The following CLDN10 variants were observed in gnomAD, a reference collection of about 807,000 sequenced individuals.
The protein encoded by CLDN10 is claudin-10.
In CLDN10, 15 loss-of-function variants were observed where a neutral mutation model predicts 22.9. The observed-to-expected ratio is 0.65, with a 90% CI of 0.44 to 1.01. CLDN10 has a LOEUF of 1.01. Among genes scored for constraint, CLDN10 ranks in the 50% least tolerant of loss-of-function variants. The probability of loss-of-function intolerance (pLI) is 0.00; values close to 1 mark genes in which losing one functional copy is unlikely to be tolerated. For synonymous variants in CLDN10, 114 were observed against 111.4 expected, an observed-to-expected ratio of 1.02 and a Z score of -0.15; for missense variants, 247 against 287.8, an observed-to-expected ratio of 0.86 and a Z score of 1.03.
intron 1 of CLDN10, among the ~76,000 whole-genome samples, chr13:95,485,315 C>T (rs536272724): frequency 9.8e-4 from 149 of 152,008 alleles, no homozygotes; most frequent in Admixed American, 2.5e-3. Context: ...GGCTAGAGGA[C>T]TTTATCCACC....
chr13:95,484,837 G>A (rs1436299728), intron 1 of CLDN10, among the ~76,000 whole-genome samples: 2 of 135,370 alleles, frequency 1.5e-5, no homozygotes, highest in African/African-American at 5.5e-5. Flanking sequence ...CTGCACTCCA[G>A]CCTGGGTAAC....
At chr13:95,548,290 G>A (rs1357420460), upstream of CLDN10, among the ~76,000 whole-genome samples, 1 of 152,088 alleles carries the variant, frequency 6.6e-6, no homozygotes, top group African/African-American at 2.4e-5. Context: ...TCCCCTTCAG[G>A]GGCTCAAGAG....
At chr13:95,453,919 T>C (rs1182948965) in intron 1 of CLDN10, among the ~76,000 whole-genome samples, 3 of 148,074 alleles carry the variant, frequency 2.0e-5, no homozygotes, top group African/African-American at 5.0e-5. Flanking sequence ...GTTCGGGATC[T>C]AGTGCCAACA....
intron 1 of CLDN10, among the ~76,000 whole-genome samples, chr13:95,459,996 C>T (rs1033380864): frequency 1.3e-5 from 2 of 152,168 alleles, no homozygotes; most frequent in Non-Finnish European, 2.9e-5. Flanking sequence ...GCCAGATACC[C>T]TAAATCATCT....
At chr13:95,550,219 G>C (rs1406122450), upstream of CLDN10, among the ~76,000 whole-genome samples, 1 of 152,208 alleles carries the variant, frequency 6.6e-6, no homozygotes, top group African/African-American at 2.4e-5. Flanking sequence ...ATGGATTTTT[G>C]AAGTATAATG....
At chr13:95,459,951 C>T (rs2042519371) in intron 1 of CLDN10, among the ~76,000 whole-genome samples, 2 of 152,312 alleles carry the variant, frequency 1.3e-5, no homozygotes, top group Admixed American at 6.5e-5. Flanking sequence ...ACCCAAGTTA[C>T]CTCTTGAACA....
At chr13:95,577,482 T>G in intron 4 of CLDN10, 144 bp downstream of exon 4, 1 of 632,432 alleles carries the variant, frequency 1.6e-6, no homozygotes. Context: ...TACAGTTAAT[T>G]TTTTAAAGTT....
At chr13:95,467,715 T>A (rs1208602612) in intron 1 of CLDN10, among the ~76,000 whole-genome samples, 1 of 152,068 alleles carries the variant, frequency 6.6e-6, no homozygotes, top group African/African-American at 2.4e-5. Context: ...GTCACATAAT[T>A]ATGGAGGCAA....
At chr13:95,481,540 A>C in intron 1 of CLDN10, among the ~76,000 whole-genome samples, 1 of 152,154 alleles carries the variant, frequency 6.6e-6, no homozygotes, top group East Asian at 1.9e-4. Context: ...TCTGAGGGCC[A>C]TGTGGTTTCT....
At position 95,553,632 on chromosome 13, in the gene CLDN10, C is replaced by G. The variant is rs1218524056; in HGVS notation, c.220+659C>G. Among the ~76,000 whole-genome samples the G allele has an allele frequency of 2.6e-5, 4 of 152,364 alleles. No homozygotes were observed. In the East Asian group the frequency reaches 7.7e-4, roughly 29 times the overall value. ...AGGAAAATAATAGCCCTTGCGGTGC[C>G]GCGATGAGTCCGCAGAGGGTAGGGA... On this transcript the variant is annotated intron_variant, in intron 1 of 4. Coordinates refer to ENST00000299339, the MANE Select transcript of CLDN10 (RefSeq NM_006984.5).
chr13:95,561,554 G>A (rs1047388467), intron 3 of CLDN10, among the ~76,000 whole-genome samples: 1 of 152,002 alleles, frequency 6.6e-6, no homozygotes, highest in African/African-American at 2.4e-5. Context: ...GGTCCTCTTG[G>A]TACTCTTTTT....
At chr13:95,551,133 G>C (rs1442725233), upstream of CLDN10, among the ~76,000 whole-genome samples, 4 of 152,116 alleles carry the variant, frequency 2.6e-5, no homozygotes, top group Non-Finnish European at 5.9e-5. Context: ...ATTAAGCACA[G>C]AGAAGCCCAC....
rs191931945 is a variant in CLDN10 at position 95,447,081 on chromosome 13, C to T, written c.214+13034C>T. ...GGTTGATATTTCTAGTTTATACGCACCAAATATAGTCCATGCATAAAAACG... is the reference window on the plus strand; with the variant it reads ...GGTTGATATTTCTAGTTTATACGCATCAAATATAGTCCATGCATAAAAACG... On this transcript the variant is annotated intron_variant, in intron 1 of 4. Transcript: ENST00000376873. 8.9e-4 allele frequency among the ~76,000 whole-genome samples: 135 copies of T among 152,216 alleles called. 1 individual carries two copies. Among genetic ancestry groups the T allele is most frequent in the Admixed American group, 4.4e-3 (68 of 15,304 alleles).
chr13:95,474,778 G>T (rs577830120), intron 1 of CLDN10, among the ~76,000 whole-genome samples: 1 of 152,244 alleles, frequency 6.6e-6, no homozygotes, highest in Admixed American at 6.5e-5. Flanking sequence ...GGAGGAGAGA[G>T]ACCTGGTAAG....
intron 1 of CLDN10, among the ~76,000 whole-genome samples, chr13:95,448,719 G>GTATTTTATTTTATTTTATTTCATTT (rs2042404554): frequency 6.9e-6 from 1 of 144,110 alleles, no homozygotes; most frequent in Non-Finnish European, 1.5e-5. Flanking sequence ...CTAAGCCATA[G>GTATTTTATTTTATTTTATTTCATTT]TATTTTATTT....
intron 1 of CLDN10, among the ~76,000 whole-genome samples, chr13:95,486,471 C>A (rs1003617083): frequency 4.8e-5 from 7 of 146,434 alleles, no homozygotes; most frequent in Non-Finnish European, 1.0e-4. Flanking sequence ...TACAGTGAGC[C>A]AAGATCGCAC....
At chr13:95,447,661 C>T (rs1200317426) in intron 1 of CLDN10, among the ~76,000 whole-genome samples, 1 of 152,076 alleles carries the variant, frequency 6.6e-6, no homozygotes, top group African/African-American at 2.4e-5. Context: ...TTTCTCTCAC[C>T]CCACACCTTG....
chr13:95,460,532 C>A (rs2042526133), intron 1 of CLDN10, among the ~76,000 whole-genome samples: 1 of 152,146 alleles, frequency 6.6e-6, no homozygotes, highest in South Asian at 2.1e-4. Context: ...CCTTATAAAA[C>A]CATTAGATCT....
upstream of CLDN10, among the ~76,000 whole-genome samples, chr13:95,548,405 A>G (rs1395996158): frequency 6.6e-6 from 1 of 152,236 alleles, no homozygotes; most frequent in Non-Finnish European, 1.5e-5. Context: ...AGGCCCATAG[A>G]AATATTCTGA....
Sources: gnomAD v4.1 joint callset for allele counts (sites outside exome capture counted in the v4.1 genomes callset) on GRCh38, gnomAD v4.1.1 for gene constraint, MANE v1.5 for transcripts, NCBI Gene and HGNC (gene_info 2026-07-23, HGNC 2026-07-21) for gene names.